The following SETD3 variants were observed in gnomAD, a reference collection of about 807,000 sequenced individuals.
SETD3 encodes actin-histidine N-methyltransferase.
Under a neutral mutation model 63.0 loss-of-function variants are expected in SETD3, and 19 were observed. That is an observed-to-expected ratio of 0.30 (90% CI 0.21 to 0.44). The LOEUF is 0.44. SETD3 is among the 20% of genes least tolerant of loss of function. SETD3 has a pLI of 1.00. For missense variants in SETD3, 587 were observed against 728.5 expected (o/e 0.81, Z 2.24); for synonymous variants, 286 against 264.1 (o/e 1.08, Z -0.80).
Position 99,459,157 on chromosome 14 carries a change from C to T in SETD3, c.374G>A (p.Arg125Gln), listed in dbSNP as rs759610986. 3.1e-6 allele frequency: 5 copies of T among 1,611,336 alleles called. No homozygotes were observed. Among genetic ancestry groups the T allele is most frequent in the Non-Finnish European group, 3.4e-6 (4 of 1,178,892 alleles). ...AGATTCAACAGTCATTAGCAATTTT[C>T]GTGGAACCCATAAAAACAATTCTTC... ...KAEELFLWVPRKLLMTVESAK... is the reference protein window; with the variant it reads ...KAEELFLWVPQKLLMTVESAK... The change falls in exon 5 of 13, where the codon CGA becomes CAA. Residue 125 changes from arginine to glutamine, a missense_variant. Arg to Gln is a conservative substitution (Grantham distance 43, BLOSUM62 1). Transcript: ENST00000331768.
chr14:99,439,319 C>T (rs1439192859), intron 6 of SETD3, among the ~76,000 whole-genome samples: 2 of 152,206 alleles, frequency 1.3e-5, no homozygotes, highest in Non-Finnish European at 2.9e-5. Flanking sequence ...TCCAACCAGA[C>T]AACTTTGCCT....
At chr14:99,414,072 TAC>T in intron 6 of SETD3, 138 bp from the exon 7 acceptor site, 1 of 727,948 alleles carries the variant, frequency 1.4e-6, no homozygotes, top group Non-Finnish European at 2.4e-6. Context: ...CCAGCCGCGC[TAC>T]AGAGGGATCA....
chr14:99,441,530 A>C (rs1302351123), intron 6 of SETD3, among the ~76,000 whole-genome samples: 1 of 152,252 alleles, frequency 6.6e-6, no homozygotes, highest in Non-Finnish European at 1.5e-5. Flanking sequence ...ACACATCTGC[A>C]AGAGGACAAA....
At chr14:99,412,580 T>C (rs543137107) in intron 8 of SETD3, 20 of 168,548 alleles carry the variant, frequency 1.2e-4, no homozygotes, top group South Asian at 1.9e-4. Context: ...TGATTTTTTT[T>C]CCCCAATAAA....
chr14:99,458,774 C>CAAAAAAAA (rs5810953), intron 5 of SETD3, among the ~76,000 whole-genome samples: 4 of 89,502 alleles, frequency 4.5e-5, no homozygotes, highest in African/African-American at 4.5e-5. Flanking sequence ...CCCATCACTA[C>CAAAAAAAA]AAAAAAAAAA....
At chr14:99,438,869 A>G (rs927087853) in intron 6 of SETD3, among the ~76,000 whole-genome samples, 14 of 152,212 alleles carry the variant, frequency 9.2e-5, no homozygotes, top group African/African-American at 3.1e-4. Flanking sequence ...TTTACATCCA[A>G]TACAGGGACT....
chr14:99,398,861 C>T lies in SETD3; in HGVS notation c.1603G>A (p.Ala535Thr). ...NLEEEAGVQD[A>T]LNIREAISKA... ...CTGATTGCCTCTCTGATGTTCAAGG[C>T]ATCCTGCACTCCAGCCTCCTCCTCG... The change falls in exon 13 of 13, where the codon GCC becomes ACC. Residue 535 changes from alanine to threonine, a missense_variant. Transcript: ENST00000331768. 1 of 1,614,236 alleles carries T rather than the reference C, an allele frequency of 6.2e-7. No homozygotes were observed. The highest frequency in any genetic ancestry group is 1.7e-5 in the Admixed American group (1 of 60,026).
chr14:99,413,338 G>T, intron 7 of SETD3: 1 of 345,964 alleles, frequency 2.9e-6, no homozygotes, highest in Non-Finnish European at 5.2e-6. Flanking sequence ...GCCCCTTCCC[G>T]GATCTTCGTG....
rs1896267077 is a variant in SETD3, at chr14:99,480,776, C to G, written c.-57G>C. On this transcript the variant is annotated 5_prime_UTR_variant, in exon 1 of 13. Transcript: ENST00000331768. ...GGGAACGACGTACTCCGGCCCGGACCCCGCCGTCCGCCTCAACCAACCCCC... is the reference window on the plus strand; with the variant it reads ...GGGAACGACGTACTCCGGCCCGGACGCCGCCGTCCGCCTCAACCAACCCCC... 6.4e-6 allele frequency: 1 copy of G among 155,164 alleles called. No homozygotes were observed. The highest frequency in any genetic ancestry group is 6.6e-5 in the Admixed American group (1 of 15,210). 9.6% of individuals were successfully genotyped at this position (155,164 alleles called of 1,614,324 possible).
intron 6 of SETD3, among the ~76,000 whole-genome samples, chr14:99,420,415 G>A (rs1232335339): frequency 1.3e-5 from 2 of 152,162 alleles, no homozygotes; most frequent in South Asian, 4.1e-4. Context: ...CTTTCTCCAA[G>A]TGACAAGATA....
intron 1 of SETD3, among the ~76,000 whole-genome samples, chr14:99,470,021 A>T (rs182331251): frequency 7.3e-4 from 111 of 152,330 alleles, no homozygotes; most frequent in Non-Finnish European, 1.1e-3. Flanking sequence ...GATAATGCGT[A>T]ACCTCCCTAG....
upstream of SETD3, among the ~76,000 whole-genome samples, chr14:99,483,616 G>T (rs1037210987): frequency 1.3e-5 from 2 of 152,204 alleles, no homozygotes; most frequent in Admixed American, 1.3e-4. Context: ...GTGGTGATTG[G>T]GGATTGTTGG....
At chr14:99,451,491 CTTTTTTCT>C (rs576242472) in intron 6 of SETD3, among the ~76,000 whole-genome samples, 35 of 152,188 alleles carry the variant, frequency 2.3e-4, no homozygotes, top group East Asian at 7.7e-4. Flanking sequence ...GGTGTTGTAT[CTTTTTTCT>C]TTTTTTCTTT....
At chr14:99,485,876 A>G (rs1896472610), upstream of SETD3, among the ~76,000 whole-genome samples, 1 of 152,208 alleles carries the variant, frequency 6.6e-6, no homozygotes, top group Admixed American at 6.5e-5. Context: ...TGAATAAAAA[A>G]GAATAACCTA....
At chr14:99,432,212 T>C (rs1893221535) in intron 6 of SETD3, among the ~76,000 whole-genome samples, 1 of 152,190 alleles carries the variant, frequency 6.6e-6, no homozygotes, top group South Asian at 2.1e-4. Flanking sequence ...AATGTCCAGT[T>C]AGTTAATCAC....
intron 6 of SETD3, among the ~76,000 whole-genome samples, chr14:99,441,355 A>G (rs2139720671): frequency 6.6e-6 from 1 of 152,352 alleles, no homozygotes; most frequent in South Asian, 2.1e-4. Context: ...GAACAAGGCA[A>G]TCAGTTCCCC....
intron 11 of SETD3, among the ~76,000 whole-genome samples, chr14:99,403,165 G>GT (rs1392855439): frequency 1.1e-4 from 16 of 152,122 alleles, no homozygotes; most frequent in African/African-American, 3.9e-4. Context: ...TCGGGACTAG[G>GT]TTTTTTCTGC....
At chr14:99,432,762 T>C (rs2139694613) in intron 6 of SETD3, among the ~76,000 whole-genome samples, 1 of 152,286 alleles carries the variant, frequency 6.6e-6, no homozygotes, top group Non-Finnish European at 1.5e-5. Context: ...TTCAACCTGC[T>C]GACACTCTGG....
At chr14:99,418,627 C>T (rs1026457149) in intron 6 of SETD3, among the ~76,000 whole-genome samples, 3 of 152,178 alleles carry the variant, frequency 2.0e-5, no homozygotes, top group Non-Finnish European at 2.9e-5. Flanking sequence ...TCAGCAAATA[C>T]ATGTGCTTTG....
Sources: allele counts gnomAD v4.1 joint callset (sites outside exome capture counted in the v4.1 genomes callset), GRCh38; gene constraint gnomAD v4.1.1; transcripts MANE v1.5; gene names NCBI Gene and HGNC (gene_info 2026-07-23, HGNC 2026-07-21).